Variants in HNRNPC observed in about 807,000 individuals in gnomAD.
HNRNPC encodes heterogeneous nuclear ribonucleoproteins C1/C2.
Under a neutral mutation model 33.2 loss-of-function variants are expected in HNRNPC, and 3 were observed. The observed-to-expected ratio is 0.09, with a 90% CI of 0.04 to 0.23. The LOEUF (loss-of-function observed/expected upper bound fraction) is 0.23. Among genes scored for constraint, HNRNPC ranks in the 10% least tolerant of loss-of-function variants. The probability of loss-of-function intolerance (pLI) is 1.00; values close to 1 mark genes in which losing one functional copy is unlikely to be tolerated. For synonymous variants in HNRNPC, 121 were observed against 126.7 expected, an observed-to-expected ratio of 0.96 and a Z score of 0.30; for missense variants, 143 against 366.7, an observed-to-expected ratio of 0.39 and a Z score of 4.98.
At position 21,213,043 on chromosome 14, in the gene HNRNPC, C is replaced by T. The variant is rs761043047; in HGVS notation, c.440G>A (p.Arg147His). ...ARAVVPSKRQ[R>H]VSGNTSRRGK... The stretch of plus-strand genomic sequence containing the variant: ...CCTTCGTGAAGTGTTTCCTGATACA[C>T]GCTGACGTTTCGAGGGCACTACAGC... The change falls in exon 6 of 9, where the codon CGT (arginine) becomes CAT (histidine). Residue 147 changes from arginine (R) to histidine (H), a missense_variant. By Grantham distance (29) the Arg-to-His change is conservative. Transcript: ENST00000553300. The T allele has an allele frequency of 1.2e-6, 2 of 1,613,962 alleles. No individual in the cohort carries two copies. Among genetic ancestry groups the T allele is most frequent in the Non-Finnish European group, 8.5e-7 (1 of 1,179,866 alleles).
intron 5 of HNRNPC, among the ~76,000 whole-genome samples, chr14:21,214,250 ATAT>A (rs963655836): frequency 6.6e-6 from 1 of 152,238 alleles, no homozygotes; most frequent in Non-Finnish European, 1.5e-5. Flanking sequence ...AACTTTAAAA[ATAT>A]TATTAATCAC....
At chr14:21,237,064 T>C (rs902126313) in intron 2 of HNRNPC, among the ~76,000 whole-genome samples, 1 of 152,194 alleles carries the variant, frequency 6.6e-6, no homozygotes, top group African/African-American at 2.4e-5. Flanking sequence ...AGTTAAAACT[T>C]AGAAGTTTCA....
intron 2 of HNRNPC, among the ~76,000 whole-genome samples, chr14:21,256,455 C>CA (rs929751540): frequency 1.2e-4 from 17 of 147,744 alleles, no homozygotes; most frequent in South Asian, 2.1e-4. Flanking sequence ...ATCTCCCCCC[C>CA]AAAAAAAAAA....
chr14:21,244,500 G>A (rs1195482756), intron 2 of HNRNPC, among the ~76,000 whole-genome samples: 1 of 152,158 alleles, frequency 6.6e-6, no homozygotes, highest in South Asian at 2.1e-4. Flanking sequence ...TACCAATGGT[G>A]GAGCTTTTGA....
At position 21,223,017 on chromosome 14, in the gene HNRNPC, G is replaced by A. The variant is rs1000529712; in HGVS notation, c.365+7302C>T. Among the ~76,000 whole-genome samples the A allele has an allele frequency of 5.9e-5, 9 of 152,038 alleles. 1 individual carries two copies. The highest frequency in any genetic ancestry group is 1.9e-4 in the East Asian group (1 of 5,196). On this transcript the variant is annotated intron_variant, in intron 5 of 8. Coordinates refer to ENST00000553300, the MANE Select transcript of HNRNPC (RefSeq NM_004500.4). The stretch of plus-strand genomic sequence containing the variant: ...TGTTCGAGACTAGCCTGCCCAACAC[G>A]GTGAAGCCCCATCTCTACTAAAGAT...
In HNRNPC at chr14:21,251,284, A is replaced by AG. The variant is rs1227182726; in HGVS notation, c.-37+12026dup. Among the ~76,000 whole-genome samples the AG allele has an allele frequency of 8.9e-4, 133 of 149,818 alleles. 2 individuals are homozygous for AG. The highest frequency in any genetic ancestry group is 3.3e-4 in the Admixed American group (5 of 15,046). ...TCAAAAAAAAAAAAAAAAAAAAAAA[A>AG]GACTTCATTTCCTTGTTATCTTACA... On this transcript the variant is annotated intron_variant, in intron 2 of 8. Transcript: ENST00000553300.
At chr14:21,248,866 T>A (rs137972190) in intron 2 of HNRNPC, among the ~76,000 whole-genome samples, 1 of 152,264 alleles carries the variant, frequency 6.6e-6, no homozygotes, top group Non-Finnish European at 1.5e-5. Flanking sequence ...TGAGAATTCA[T>A]CTGAAAGAAA....
intron 5 of HNRNPC, among the ~76,000 whole-genome samples, chr14:21,224,117 A>T (rs912549060): frequency 6.6e-6 from 1 of 152,158 alleles, no homozygotes; most frequent in Non-Finnish European, 1.5e-5. Context: ...TCTCAGGTAC[A>T]GTGTTACTCA....
intron 5 of HNRNPC, among the ~76,000 whole-genome samples, chr14:21,228,855 CGAGTAGATCACCTCA>C (rs1197884382): frequency 6.6e-6 from 1 of 151,506 alleles, no homozygotes; most frequent in Non-Finnish European, 1.5e-5. Context: ...GAGGTCAAGG[CGAGTAGATCACCTCA>C]GTTCAGGAGT....
At chr14:21,245,777 G>A (rs1895913854) in intron 2 of HNRNPC, among the ~76,000 whole-genome samples, 1 of 152,062 alleles carries the variant, frequency 6.6e-6, no homozygotes, top group Non-Finnish European at 1.5e-5. Flanking sequence ...ATTAGCCTAA[G>A]CCTATAGGTG....
At chr14:21,252,887 T>C (rs937841114) in intron 2 of HNRNPC, among the ~76,000 whole-genome samples, 1 of 152,126 alleles carries the variant, frequency 6.6e-6, no homozygotes, top group East Asian at 1.9e-4. Context: ...AATTAAAAGA[T>C]AGCACCAGGC....
chr14:21,215,898 T>TAAA (rs3064165), intron 5 of HNRNPC, among the ~76,000 whole-genome samples: 37 of 98,566 alleles, frequency 3.8e-4, no homozygotes, highest in African/African-American at 9.2e-4. Flanking sequence ...GACTCCGTCT[T>TAAA]AAAAAAAAAA....
intron 5 of HNRNPC, among the ~76,000 whole-genome samples, chr14:21,219,108 C>CAAAAAAAA (rs555837563): frequency 4.2e-5 from 4 of 96,320 alleles, no homozygotes; most frequent in African/African-American, 7.6e-5. Context: ...GACTCTTTCT[C>CAAAAAAAA]AAAAAAAAAA....
At position 21,209,963 on chromosome 14, in the gene HNRNPC, A is replaced by G. The variant is rs1415449001; in HGVS notation, c.*1260T>C. 6.6e-6 allele frequency: 1 copy of G among 152,200 alleles called. No homozygotes were observed. Among genetic ancestry groups the G allele is most frequent in the Non-Finnish European group, 1.5e-5 (1 of 68,028 alleles). The allele number at this position is 152,200 out of a possible 1,614,324, so 9.4% of individuals were successfully genotyped here. ...ACACAAAGATTAGCTAACAGGGGTA[A>G]AAGATCATTTAGAGTAAAATAAATG... is the stretch of plus-strand genomic sequence containing the variant. On this transcript the variant is annotated 3_prime_UTR_variant, in exon 9 of 9. Coordinates refer to ENST00000553300, the MANE Select transcript of HNRNPC (RefSeq NM_004500.4).
chr14:21,222,596 T>C (rs1417479228), intron 5 of HNRNPC, among the ~76,000 whole-genome samples: 1 of 152,116 alleles, frequency 6.6e-6, no homozygotes, highest in Non-Finnish European at 1.5e-5. Context: ...GGTACATCTT[T>C]AAAAATGCTG....
intron 6 of HNRNPC, 69 bp downstream of exon 6, chr14:21,212,891 G>GT: frequency 2.5e-6 from 4 of 1,573,796 alleles, no homozygotes; most frequent in Non-Finnish European, 3.5e-6. Flanking sequence ...CAAAAATATT[G>GT]TAACTGCATT....
intron 1 of HNRNPC, among the ~76,000 whole-genome samples, chr14:21,266,049 T>C (rs1878923125): frequency 1.3e-5 from 2 of 152,216 alleles, no homozygotes; most frequent in African/African-American, 2.4e-5. Flanking sequence ...GGCTAACGTT[T>C]GAGAACCACT....
chr14:21,217,366 A>C (rs998230147), intron 5 of HNRNPC, among the ~76,000 whole-genome samples: 7 of 152,234 alleles, frequency 4.6e-5, no homozygotes, highest in African/African-American at 1.4e-4. Flanking sequence ...GATACTATCA[A>C]CTGCAAGCAC....
At chr14:21,247,643 A>G (rs1210078698) in intron 2 of HNRNPC, among the ~76,000 whole-genome samples, 1 of 152,050 alleles carries the variant, frequency 6.6e-6, no homozygotes, top group Non-Finnish European at 1.5e-5. Context: ...GTAAACTGAA[A>G]GTGGATACAA....
Sources: gnomAD v4.1 joint callset for allele counts (sites outside exome capture counted in the v4.1 genomes callset) on GRCh38, gnomAD v4.1.1 for gene constraint, MANE v1.5 for transcripts, NCBI Gene and HGNC (gene_info 2026-07-23, HGNC 2026-07-21) for gene names.